CYP4Z1: variants seen among roughly 807,000 people sequenced by gnomAD.
The protein encoded by CYP4Z1 is cytochrome P450 family 4 subfamily Z member 1.
In CYP4Z1, 41 loss-of-function variants were observed where a neutral mutation model predicts 54.2. The observed-to-expected ratio is 0.76, with a 90% confidence interval of 0.59 to 0.98. The LOEUF is 0.98. CYP4Z1 is among the 50% of genes least tolerant of loss of function. CYP4Z1 has a pLI of 0.00. For synonymous variants in CYP4Z1, 163 were observed against 206.2 expected (o/e 0.79, Z 1.79); for missense variants, 513 against 599.0 (o/e 0.86, Z 1.50).
chr1:47,069,462 C>G (rs1644476468), intron 2 of CYP4Z1, among the ~76,000 whole-genome samples: 1 of 152,054 alleles, frequency 6.6e-6, no homozygotes, highest in African/African-American at 2.4e-5. Context: ...TCTCATTTCA[C>G]AGGGCACTCT....
intron 8 of CYP4Z1, among the ~76,000 whole-genome samples, chr1:47,103,032 T>TA (rs1318822230): frequency 6.6e-6 from 1 of 152,056 alleles, no homozygotes; most frequent in African/African-American, 2.4e-5. Flanking sequence ...ATTCTTTTTT[T>TA]AAAAAAATTG....
chr1:47,087,127 T>C (rs545332068), intron 6 of CYP4Z1, among the ~76,000 whole-genome samples: 14 of 152,322 alleles, frequency 9.2e-5, no homozygotes, highest in African/African-American at 3.1e-4. Flanking sequence ...TCAGGTAGTG[T>C]GATGCTTCCA....
Position 47,118,093 on chromosome 1 carries a change from A to C in CYP4Z1, c.*159A>C. 1.3e-6 allele frequency: 1 copy of C among 774,054 alleles called. No homozygotes were observed. Among genetic ancestry groups the C allele is most frequent in the Non-Finnish European group, 1.9e-6 (1 of 532,082 alleles). The allele number at this position is 774,054 out of a possible 1,614,324, so 47.9% of individuals were successfully genotyped here. ...TTTGACATCCATTAACAGTAATTTT[A>C]ATTTCTTTGCTGTATCTGGTGAAAC... On this transcript the variant is annotated 3_prime_UTR_variant, in exon 12 of 12. Coordinates refer to ENST00000334194, the MANE Select transcript of CYP4Z1 (RefSeq NM_178134.3).
rs185965354 is a variant in CYP4Z1 at position 47,095,321 on chromosome 1, A to G, written c.876+652A>G. On this transcript the variant is annotated intron_variant, in intron 7 of 11. Transcript: ENST00000334194. The stretch of plus-strand genomic sequence containing the variant: ...TTCATTTGCAATTAAAGTTTGAAAA[A>G]CCCCATCCTAGAAGACTAGGATCAT... Among the ~76,000 whole-genome samples the G allele has an allele frequency of 6.6e-3, 995 of 151,494 alleles. 9 individuals are homozygous for G. Among genetic ancestry groups the G allele is most frequent in the African/African-American group, 0.023 (940 of 41,106 alleles).
In CYP4Z1 at chr1:47,117,772, C is replaced by T. The variant is rs1277674435; in HGVS notation, c.1356C>T (p.Cys452=). 1 of 1,612,284 alleles carries T rather than the reference C, an allele frequency of 6.2e-7. No individual in the cohort carries two copies. The highest frequency in any genetic ancestry group is 1.3e-5 in the African/African-American group (1 of 74,830). ...FIPFSAGLRN[C]IGQHFAIIEC... ...TCTTTCTTGGTATCCCCAGGAACTGCATTGGGCAGCATTTTGCCATAATTG... is the reference window on the plus strand; with the variant it reads ...TCTTTCTTGGTATCCCCAGGAACTGTATTGGGCAGCATTTTGCCATAATTG... The change falls in exon 12 of 12, where the codon TGC becomes TGT. Residue 452 remains cysteine (C), a synonymous_variant. Transcript: ENST00000334194.
intron 4 of CYP4Z1, among the ~76,000 whole-genome samples, chr1:47,083,236 G>A (rs1348242339): frequency 1.3e-5 from 2 of 152,096 alleles, no homozygotes; most frequent in Non-Finnish European, 2.9e-5. Flanking sequence ...CCCTAAACAC[G>A]TCAGCTTGGA....
Position 47,083,725 on chromosome 1 carries a change from C to A in CYP4Z1, c.493-895C>A, listed in dbSNP as rs1356027511. 3.3e-5 allele frequency among the ~76,000 whole-genome samples: 5 copies of A among 152,262 alleles called. No individual in the cohort carries two copies. The East Asian group carries it at 9.7e-4, about 29-fold the overall frequency. ...GAAGAGCACACCCTGAACTGATGCA[C>A]CTCTCTTCGAGTCTAAGGCTCCTTC... On this transcript the variant is annotated intron_variant, in intron 4 of 11. Coordinates refer to ENST00000334194, the MANE Select transcript of CYP4Z1 (RefSeq NM_178134.3).
chr1:47,094,587 AG>A lies in CYP4Z1; in HGVS notation c.796del (p.Glu266SerfsTer7). The A allele has an allele frequency of 6.3e-7, 1 of 1,599,196 alleles. No homozygotes were observed. The highest frequency in any genetic ancestry group is 1.4e-5 in the African/African-American group (1 of 73,900). On this transcript the variant is annotated frameshift_variant, in exon 7 of 12. Transcript: ENST00000334194. LOFTEE classifies it high-confidence loss of function. ...CTAGAGAAAGTAATCCAGGACCGGA[AG>A]GAGTCTCTTAAGGATAAGCTAAAAC... ...QFTEKVIQDRKESLKDKLKQD... is the reference protein window; with the variant it reads ...QFTEKVIQDRXESLKDKLKQD...
chr1:47,094,681 A>G lies in CYP4Z1; in HGVS notation c.876+12A>G. On this transcript the variant is annotated intron_variant, in intron 7 of 11. Transcript: ENST00000334194. ...TTTTGAGTGCCAAAGTAAGTCTTCTAAACTTCTGAACACATTCGACTCAAT... is the reference window on the plus strand; with the variant it reads ...TTTTGAGTGCCAAAGTAAGTCTTCTGAACTTCTGAACACATTCGACTCAAT... 1 of 1,595,744 alleles carries G rather than the reference A, an allele frequency of 6.3e-7. No homozygotes were observed. The highest frequency in any genetic ancestry group is 8.6e-7 in the Non-Finnish European group (1 of 1,166,464).
Position 47,110,372 on chromosome 1 carries a change from G to T in CYP4Z1, c.1201+4111G>T, listed in dbSNP as rs866200074. Among the ~76,000 whole-genome samples the T allele has an allele frequency of 1.8e-4, 26 of 146,586 alleles. No homozygotes were observed. In the South Asian group the frequency reaches 3.6e-3, roughly 20 times the overall value. ...AGCTAGAGCAAGCAGAAACTCCTAA[G>T]AAAGACAATAACAGACTTAGGAAAT... On this transcript the variant is annotated intron_variant, in intron 9 of 11. Coordinates refer to ENST00000334194, the MANE Select transcript of CYP4Z1 (RefSeq NM_178134.3).
intron 10 of CYP4Z1, among the ~76,000 whole-genome samples, chr1:47,116,379 TTGTC>T (rs1408556347): frequency 6.6e-6 from 1 of 152,180 alleles, no homozygotes; most frequent in African/African-American, 2.4e-5. Context: ...TCAAGTCAGA[TTGTC>T]TGGATGATTT....
chr1:47,057,175 A>T, the CYP4Z1 span, among the ~76,000 whole-genome samples: 1 of 151,076 alleles, frequency 6.6e-6, no homozygotes, highest in African/African-American at 2.4e-5. Context: ...TCCTTCTCTT[A>T]TGAAGCTTAA....
At chr1:47,091,621 A>G (rs892536842) in intron 6 of CYP4Z1, among the ~76,000 whole-genome samples, 1 of 149,624 alleles carries the variant, frequency 6.7e-6, no homozygotes, top group African/African-American at 2.4e-5. Flanking sequence ...TAGAGTGACT[A>G]CTGCTTATCC....
intron 4 of CYP4Z1, among the ~76,000 whole-genome samples, chr1:47,083,018 T>G (rs1644566154): frequency 1.3e-5 from 2 of 152,192 alleles, no homozygotes; most frequent in South Asian, 4.1e-4. Context: ...TCCACACCTG[T>G]CCTCTTGGAG....
chr1:47,112,553 T>C (rs2148542319), intron 9 of CYP4Z1, among the ~76,000 whole-genome samples: 1 of 152,232 alleles, frequency 6.6e-6, no homozygotes, highest in Non-Finnish European at 1.5e-5. Flanking sequence ...TATATTTAGA[T>C]AAAAATCACT....
chr1:47,068,848 A>G (rs950790356), intron 2 of CYP4Z1, 85 bp downstream of exon 2: 8 of 1,503,936 alleles, frequency 5.3e-6, no homozygotes, highest in Non-Finnish European at 7.2e-6. Flanking sequence ...GACAGGTTGA[A>G]GCATTTTTAA....
intron 8 of CYP4Z1, among the ~76,000 whole-genome samples, chr1:47,103,427 C>T (rs1360871673): frequency 6.6e-6 from 1 of 151,930 alleles, no homozygotes; most frequent in Non-Finnish European, 1.5e-5. Context: ...ATCTTACTGC[C>T]TCAGCCTCTC....
At chr1:47,112,465 C>T (rs2148542285) in intron 9 of CYP4Z1, among the ~76,000 whole-genome samples, 1 of 152,000 alleles carries the variant, frequency 6.6e-6, no homozygotes, top group East Asian at 1.9e-4. Flanking sequence ...TTGTCCAGAG[C>T]ATAGAAAAAT....
At chr1:47,100,253 C>T (rs576082352) in intron 8 of CYP4Z1, among the ~76,000 whole-genome samples, 1 of 152,268 alleles carries the variant, frequency 6.6e-6, no homozygotes, top group South Asian at 2.1e-4. Flanking sequence ...TATATCCATT[C>T]TAGTGTTGAT....
Sources: allele counts gnomAD v4.1 joint callset (sites outside exome capture counted in the v4.1 genomes callset), GRCh38; gene constraint gnomAD v4.1.1; transcripts MANE v1.5; gene names NCBI Gene and HGNC (gene_info 2026-07-23, HGNC 2026-07-21).